Variants in PCED1B observed in about 807,000 individuals in gnomAD.
The protein encoded by PCED1B is PC-esterase domain-containing protein 1B.
For synonymous variants in PCED1B, 251 were observed against 246.1 expected (o/e 1.02, Z -0.19); for missense variants, 573 against 573.9 (o/e 1.00, Z 0.02).
chr12:47,102,394 C>A (rs992915082), intron 1 of PCED1B, among the ~76,000 whole-genome samples: 2 of 152,178 alleles, frequency 1.3e-5, no homozygotes, highest in African/African-American at 4.8e-5. Context: ...ATAATTGCTG[C>A]AAAGATAATA....
chr12:47,170,511 G>A (rs1376669749), intron 2 of PCED1B, among the ~76,000 whole-genome samples: 2 of 146,130 alleles, frequency 1.4e-5, no homozygotes, highest in Non-Finnish European at 3.0e-5. Context: ...CGGCGGCCGG[G>A]CGGAGGCGCC....
chr12:47,180,523 G>A (rs887170874), intron 2 of PCED1B, among the ~76,000 whole-genome samples: 3 of 151,998 alleles, frequency 2.0e-5, no homozygotes, highest in African/African-American at 7.2e-5. Flanking sequence ...AAAACCATTT[G>A]GGACATAGGC....
chr12:47,214,400 T>G (rs976920393), intron 2 of PCED1B, among the ~76,000 whole-genome samples: 12 of 152,218 alleles, frequency 7.9e-5, no homozygotes, highest in African/African-American at 2.7e-4. Context: ...AACCTCTTAC[T>G]CTTGTTGGTT....
chr12:47,192,679 A>G (rs1389844128), intron 2 of PCED1B, among the ~76,000 whole-genome samples: 1 of 152,210 alleles, frequency 6.6e-6, no homozygotes, highest in African/African-American at 2.4e-5. Flanking sequence ...TGAGTCCATC[A>G]GAGCTGACTG....
chr12:47,096,577 C>A (rs1938492046), intron 1 of PCED1B, among the ~76,000 whole-genome samples: 1 of 152,160 alleles, frequency 6.6e-6, no homozygotes, highest in South Asian at 2.1e-4. Context: ...TGTCACTCTA[C>A]AGCACCTAAC....
At chr12:47,090,223 A>T (rs75812521) in intron 1 of PCED1B, among the ~76,000 whole-genome samples, 1 of 152,174 alleles carries the variant, frequency 6.6e-6, no homozygotes, top group African/African-American at 2.4e-5. Flanking sequence ...TGGTAGAATG[A>T]TGATCACACA....
chr12:47,182,448 G>A (rs1035364077), intron 2 of PCED1B, among the ~76,000 whole-genome samples: 2 of 151,910 alleles, frequency 1.3e-5, no homozygotes, highest in East Asian at 3.9e-4. Context: ...AAAATTAGCT[G>A]GGCGTGGTGG....
intron 2 of PCED1B, among the ~76,000 whole-genome samples, chr12:47,166,548 G>A (rs1185258137): frequency 6.6e-6 from 1 of 152,172 alleles, no homozygotes; most frequent in Non-Finnish European, 1.5e-5. Flanking sequence ...AATTATAGTT[G>A]AATGGCAACT....
At chr12:47,224,367 G>A (rs751973140) in intron 3 of PCED1B, among the ~76,000 whole-genome samples, 8 of 152,244 alleles carry the variant, frequency 5.3e-5, no homozygotes, top group East Asian at 1.9e-4. Context: ...ATTCATAGGC[G>A]TTGTTTATAT....
chr12:47,129,000 A>T (rs1940008935), intron 2 of PCED1B, among the ~76,000 whole-genome samples: 1 of 152,222 alleles, frequency 6.6e-6, no homozygotes, highest in African/African-American at 2.4e-5. Context: ...GGAAGCTGGC[A>T]TCCACAGCTC....
At chr12:47,158,836 C>T (rs1464638300) in intron 2 of PCED1B, among the ~76,000 whole-genome samples, 1 of 152,022 alleles carries the variant, frequency 6.6e-6, no homozygotes, top group Non-Finnish European at 1.5e-5. Context: ...CTATAGTAAC[C>T]CTACTCTGCT....
intron 2 of PCED1B, among the ~76,000 whole-genome samples, chr12:47,201,445 T>A (rs999868498): frequency 6.6e-6 from 1 of 152,122 alleles, no homozygotes; most frequent in African/African-American, 2.4e-5. Context: ...TGTCTGGCTC[T>A]CTTAGCTAAG....
Position 47,235,808 on chromosome 12 carries a change from G to A in PCED1B, c.745G>A (p.Ala249Thr), listed in dbSNP as rs1943962640. 7 of 1,576,536 alleles carry A rather than the reference G, an allele frequency of 4.4e-6. No homozygotes were observed. The highest frequency in any genetic ancestry group is 6.0e-6 in the Non-Finnish European group (7 of 1,161,282). ...CLSQLLLAHV[A>T]DAWGVELPHR... ...CTCCCAGCTGCTGCTGGCCCACGTG[G>A]CCGACGCCTGGGGTGTGGAGCTGCC... The change falls in exon 4 of 4, where the codon GCC becomes ACC. Residue 249 changes from alanine (A) to threonine (T), a missense_variant. By Grantham distance (58) the Ala-to-Thr change is moderately conservative. Coordinates refer to ENST00000546455, the MANE Select transcript of PCED1B (RefSeq NM_138371.3).
At position 47,235,769 on chromosome 12, in the gene PCED1B, G is replaced by A. The variant is rs1334014080; in HGVS notation, c.706G>A (p.Val236Met). The A allele has an allele frequency of 6.3e-7, 1 of 1,589,772 alleles. No homozygotes were observed. The highest frequency in any genetic ancestry group is 8.6e-7 in the Non-Finnish European group (1 of 1,168,454). Residue 236 changes from valine to methionine, a missense_variant, in exon 4 of 4, where the codon GTG (valine) becomes ATG (methionine). Transcript: ENST00000546455. Reference sequence around the variant, plus strand: ...GGACGGGGTGCACTGGAATGGACGTGTGCACCGCTGCCTCTCCCAGCTGCT... The same window carrying A: ...GGACGGGGTGCACTGGAATGGACGTATGCACCGCTGCCTCTCCCAGCTGCT... ...HWDGVHWNGR[V>M]HRCLSQLLLA...
chr12:47,125,798 CT>C (rs1411615482), intron 2 of PCED1B, among the ~76,000 whole-genome samples: 2 of 151,954 alleles, frequency 1.3e-5, no homozygotes. Context: ...ATTTTAATTT[CT>C]GATTGTTCAC....
chr12:47,204,480 C>T (rs1942859198), intron 2 of PCED1B, among the ~76,000 whole-genome samples: 1 of 152,144 alleles, frequency 6.6e-6, no homozygotes, highest in African/African-American at 2.4e-5. Context: ...TCCTGATACT[C>T]TTCCATGTTT....
chr12:47,186,175 G>A (rs1041562914), intron 2 of PCED1B, among the ~76,000 whole-genome samples: 3 of 150,200 alleles, frequency 2.0e-5, no homozygotes, highest in African/African-American at 2.4e-5. Context: ...CCAAGATCGC[G>A]CCCCTGCACT....
chr12:47,221,435 C>A (rs1943475296), intron 3 of PCED1B, among the ~76,000 whole-genome samples: 1 of 150,718 alleles, frequency 6.6e-6, no homozygotes, highest in South Asian at 2.1e-4. Context: ...GCCTAAGCTT[C>A]CCAGAGTGCT....
chr12:47,117,444 A>C (rs1592159668), intron 2 of PCED1B, among the ~76,000 whole-genome samples: 1 of 151,882 alleles, frequency 6.6e-6, no homozygotes, highest in East Asian at 1.9e-4. Flanking sequence ...GAGAACATGC[A>C]GTGTTTGGTT....
Sources: gnomAD v4.1 joint callset for allele counts (sites outside exome capture counted in the v4.1 genomes callset) on GRCh38, gnomAD v4.1.1 for gene constraint, MANE v1.5 for transcripts, NCBI Gene and HGNC (gene_info 2026-07-23, HGNC 2026-07-21) for gene names.